The following SFXN1 variants were observed in gnomAD, a reference collection of about 807,000 sequenced individuals.
The protein encoded by SFXN1 is sideroflexin-1.
In SFXN1, 32 loss-of-function variants were observed where a neutral mutation model predicts 39.5. The observed-to-expected ratio is 0.81, with a 90% confidence interval of 0.61 to 1.09. The LOEUF is 1.09. Among genes scored for constraint, SFXN1 ranks in the 50% least tolerant of loss-of-function variants. The pLI is 0.00. For missense variants in SFXN1, 402 were observed against 407.1 expected (o/e 0.99, Z 0.11); for synonymous variants, 136 against 146.5 (o/e 0.93, Z 0.52).
At chr5:175,516,548 GAA>G (rs3215174) in intron 7 of SFXN1, 64 bp from the exon 8 acceptor site, 2 of 1,417,556 alleles carry the variant, frequency 1.4e-6, no homozygotes, top group Non-Finnish European at 1.9e-6. Context: ...TCAAATGGTT[GAA>G]AAAAAAAGTA....
intron 1 of SFXN1, among the ~76,000 whole-genome samples, chr5:175,479,956 A>G (rs950022831): frequency 4.6e-5 from 7 of 152,164 alleles, no homozygotes. Context: ...CAGGTAAATG[A>G]GGAGGCTTTG....
intron 2 of SFXN1, among the ~76,000 whole-genome samples, chr5:175,496,901 T>TA: frequency 6.6e-6 from 1 of 151,990 alleles, no homozygotes; most frequent in South Asian, 2.1e-4. Context: ...ACTCTTTCTT[T>TA]TTTTTTTTGA....
At position 175,510,212 on chromosome 5, in the gene SFXN1, G is replaced by A; in HGVS notation, c.434+5G>A. 1 of 1,605,968 alleles carries A rather than the reference G, an allele frequency of 6.2e-7. No homozygotes were observed. The highest frequency in any genetic ancestry group is 8.5e-7 in the Non-Finnish European group (1 of 1,175,088). ...AGACGCACCCCTCACTGTCAAGTAA[G>A]GCTACGAGAATTGACCACTCTCTGC... On this transcript the variant is annotated splice_donor_5th_base_variant and intron_variant, in intron 4 of 10. Coordinates refer to ENST00000321442, the MANE Select transcript of SFXN1 (RefSeq NM_022754.7).
intron 8 of SFXN1, among the ~76,000 whole-genome samples, chr5:175,520,514 A>G (rs1222811261): frequency 1.3e-5 from 2 of 152,078 alleles, no homozygotes; most frequent in East Asian, 3.9e-4. Flanking sequence ...GAAATTGTCT[A>G]GGGGCCTTGG....
chr5:175,510,293 A>G lies in SFXN1; in HGVS notation c.434+86A>G, dbSNP rs1278393099. ...GATACTCTCCTGTTTAAAAAAGCCT[A>G]TGTGTGCATATTTTTATATTGTTCA... On this transcript the variant is annotated intron_variant, in intron 4 of 10. Transcript: ENST00000321442. The G allele has an allele frequency of 1.0e-5, 11 of 1,052,910 alleles. No individual in the cohort carries two copies. The East Asian group carries it at 1.8e-4, about 17-fold the overall frequency. The allele number at this position is 1,052,910 out of a possible 1,614,324, so 65.2% of individuals were successfully genotyped here.
intron 1 of SFXN1, among the ~76,000 whole-genome samples, chr5:175,480,926 C>T (rs1433410315): frequency 6.6e-6 from 1 of 152,156 alleles, no homozygotes; most frequent in Non-Finnish European, 1.5e-5. Flanking sequence ...AAGGGGGGAA[C>T]AAAGGGCTGT....
At chr5:175,512,707 C>T (rs1186994031) in intron 6 of SFXN1, among the ~76,000 whole-genome samples, 3 of 151,970 alleles carry the variant, frequency 2.0e-5, no homozygotes, top group East Asian at 1.9e-4. Context: ...ACAGGGGTAA[C>T]GGTAGAAGTT....
rs1760727218 is a variant in SFXN1, at chr5:175,516,758, G to A, written c.774+95G>A. Reference sequence around the variant, plus strand: ...TATTTGCTACCTAAACAGTAAAGAAGCCGAAGGCCAGTTTCCTGGGCTCTT... The same window carrying A: ...TATTTGCTACCTAAACAGTAAAGAAACCGAAGGCCAGTTTCCTGGGCTCTT... On this transcript the variant is annotated intron_variant, in intron 8 of 10. Transcript: ENST00000321442. 4 of 1,271,632 alleles carry A rather than the reference G, an allele frequency of 3.1e-6. No homozygotes were observed. In the East Asian group the frequency reaches 9.6e-5, roughly 30 times the overall value. 78.8% of individuals were successfully genotyped at this position (1,271,632 alleles called of 1,614,324 possible). A position where few individuals can be genotyped will look rare whatever the true frequency, so the allele number is the denominator to read the frequency against.
At chr5:175,526,309 G>A (rs1027705564) in intron 10 of SFXN1, among the ~76,000 whole-genome samples, 1 of 152,098 alleles carries the variant, frequency 6.6e-6, no homozygotes, top group African/African-American at 2.4e-5. Flanking sequence ...TTCTTAGGAA[G>A]TGGCATTGCC....
chr5:175,498,713 G>A (rs2652194), intron 2 of SFXN1, among the ~76,000 whole-genome samples: 40,947 of 151,874 alleles, frequency 0.27, 5,724 homozygotes, highest in South Asian at 0.44. Context: ...AAAGCCTACT[G>A]TATAGCTTTT....
intron 2 of SFXN1, among the ~76,000 whole-genome samples, chr5:175,501,591 T>C (rs569366389): frequency 1.3e-5 from 2 of 152,292 alleles, no homozygotes; most frequent in East Asian, 1.9e-4. Flanking sequence ...AGAACTCTTA[T>C]CAATATTGAA....
chr5:175,503,242 G>C (rs1760151565), intron 2 of SFXN1, among the ~76,000 whole-genome samples: 1 of 152,106 alleles, frequency 6.6e-6, no homozygotes, highest in Non-Finnish European at 1.5e-5. Context: ...CCTCAATAAA[G>C]CTGATTTAAT....
intron 7 of SFXN1, among the ~76,000 whole-genome samples, chr5:175,515,467 T>A (rs1760685075): frequency 6.6e-6 from 1 of 152,208 alleles, no homozygotes; most frequent in Non-Finnish European, 1.5e-5. Flanking sequence ...CTAGTGCAAT[T>A]TATAAGAGTA....
intron 5 of SFXN1, 135 bp downstream of exon 5, chr5:175,511,661 AT>A: frequency 1.4e-6 from 1 of 723,196 alleles, no homozygotes; most frequent in Non-Finnish European, 2.3e-6. Flanking sequence ...TCAGCTGCAT[AT>A]TTTAGTTATA....
chr5:175,513,390 C>T, intron 6 of SFXN1, 73 bp from the exon 7 acceptor site: 1 of 1,512,316 alleles, frequency 6.6e-7, no homozygotes, highest in Non-Finnish European at 9.0e-7. Flanking sequence ...GTTGATCTTT[C>T]CCAACATAGT....
At chr5:175,503,375 C>G (rs1474310189) in intron 2 of SFXN1, among the ~76,000 whole-genome samples, 1 of 152,050 alleles carries the variant, frequency 6.6e-6, no homozygotes, top group Non-Finnish European at 1.5e-5. Context: ...ATTGATAATG[C>G]AAAAATCCAA....
At position 175,527,146 on chromosome 5, in the gene SFXN1, A is replaced by C. The variant is rs1761092507; in HGVS notation, c.*412A>C. ...AATTTTCATCTCACTCCCATTGCAA[A>C]TCAAGGAGATCTCAGCAGTGAACTG... On this transcript the variant is annotated 3_prime_UTR_variant, in exon 11 of 11. Transcript: ENST00000321442. The C allele has an allele frequency of 1.2e-5, 2 of 160,292 alleles. No homozygotes were observed. The highest frequency in any genetic ancestry group is 2.7e-5 in the Non-Finnish European group (2 of 72,840). 9.9% of individuals were successfully genotyped at this position (160,292 alleles called of 1,614,324 possible).
At chr5:175,510,818 T>C (rs1341391284) in intron 4 of SFXN1, among the ~76,000 whole-genome samples, 1 of 152,222 alleles carries the variant, frequency 6.6e-6, no homozygotes, top group Non-Finnish European at 1.5e-5. Context: ...GTGCTTCTCT[T>C]TTTTATCACT....
At chr5:175,521,179 AC>A (rs1007126136) in intron 8 of SFXN1, among the ~76,000 whole-genome samples, 1 of 151,902 alleles carries the variant, frequency 6.6e-6, no homozygotes, top group African/African-American at 2.4e-5. Flanking sequence ...GTATTTAAGT[AC>A]CACTCCTTTT....
Sources: allele counts gnomAD v4.1 joint callset (sites outside exome capture counted in the v4.1 genomes callset), GRCh38; gene constraint gnomAD v4.1.1; transcripts MANE v1.5; gene names NCBI Gene and HGNC (gene_info 2026-07-23, HGNC 2026-07-21).